ADAMTS9: variants seen among roughly 807,000 people sequenced by gnomAD.
The protein encoded by ADAMTS9 is A disintegrin and metalloproteinase with thrombospondin motifs 9.
Under a neutral mutation model 257.1 loss-of-function variants are expected in ADAMTS9, and 107 were observed. The observed-to-expected ratio is 0.42, with a 90% confidence interval of 0.36 to 0.49. The LOEUF (loss-of-function observed/expected upper bound fraction) is 0.49, where lower values mean the gene tolerates loss of function less well. Among genes scored for constraint, ADAMTS9 ranks in the 20% least tolerant of loss-of-function variants. The pLI is 0.03. For missense variants in ADAMTS9, 2,353 were observed against 2,469.1 expected (o/e 0.95, Z 1.00); for synonymous variants, 982 against 880.9 (o/e 1.11, Z -2.03).
At chr3:64,595,155 T>G (rs1024083630) in intron 27 of ADAMTS9, among the ~76,000 whole-genome samples, 3 of 152,176 alleles carry the variant, frequency 2.0e-5, no homozygotes, top group Admixed American at 6.5e-5. Context: ...CTGGTTCTAT[T>G]TTCTGGCAAA....
intron 36 of ADAMTS9, 39 bp downstream of exon 36, chr3:64,541,056 A>T (rs771478324): frequency 6.2e-7 from 1 of 1,610,528 alleles, no homozygotes; most frequent in South Asian, 1.1e-5. Flanking sequence ...AATGGAGAGA[A>T]GAACGCACAC....
intron 30 of ADAMTS9, among the ~76,000 whole-genome samples, chr3:64,560,266 T>C (rs932416083): frequency 5.9e-5 from 9 of 152,330 alleles, no homozygotes; most frequent in Admixed American, 1.3e-4. Context: ...GCTGTTAATC[T>C]GAAATGTAAC....
chr3:64,613,715 G>A (rs1017718382), intron 21 of ADAMTS9, among the ~76,000 whole-genome samples: 5 of 152,120 alleles, frequency 3.3e-5, no homozygotes, highest in African/African-American at 1.2e-4. Context: ...CTCTGGGCCA[G>A]TTTTGAGCAC....
At position 64,686,563 on chromosome 3, in the gene ADAMTS9, C is replaced by T. The variant is rs903595647; in HGVS notation, c.516+5G>A. The T allele has an allele frequency of 1.9e-6, 3 of 1,599,026 alleles. No homozygotes were observed. Among genetic ancestry groups the T allele is most frequent in the African/African-American group, 2.7e-5 (2 of 74,710 alleles). ...GGGGAGAGGAGGTGGCGCGCGCCCA[C>T]TTACCATTCCTGAGCAGAGGCTGAT... On this transcript the variant is annotated splice_donor_5th_base_variant and intron_variant, in intron 2 of 39. Coordinates refer to ENST00000498707, the MANE Select transcript of ADAMTS9 (RefSeq NM_182920.2). The surrounding 1 kb of genome is among the most constrained non-coding windows in gnomAD (Gnocchi z 4.6).
chr3:64,682,286 A>T (rs945672707), intron 2 of ADAMTS9, among the ~76,000 whole-genome samples: 5 of 152,240 alleles, frequency 3.3e-5, no homozygotes, highest in Non-Finnish European at 5.9e-5. Context: ...ATGATAATTA[A>T]GTGCTTAGCA....
At chr3:64,557,177 G>A (rs1037167182) in intron 30 of ADAMTS9, among the ~76,000 whole-genome samples, 62 of 152,134 alleles carry the variant, frequency 4.1e-4, no homozygotes, top group African/African-American at 1.4e-3. Flanking sequence ...TGAGGTGAAG[G>A]TCAGAGGAAG....
chr3:64,574,234 C>T (rs1441222557), intron 28 of ADAMTS9, among the ~76,000 whole-genome samples: 1 of 152,146 alleles, frequency 6.6e-6, no homozygotes, highest in Non-Finnish European at 1.5e-5. Context: ...ATCATACTAG[C>T]TACCTTTCAT....
chr3:64,663,409 G>C (rs561892375), intron 3 of ADAMTS9, among the ~76,000 whole-genome samples: 12 of 149,316 alleles, frequency 8.0e-5, no homozygotes, highest in Middle Eastern at 3.5e-3. Flanking sequence ...ACAACACTCA[G>C]GAAATGTTGT....
At chr3:64,546,143 A>ATG (rs2083195237) in intron 32 of ADAMTS9, among the ~76,000 whole-genome samples, 1 of 152,254 alleles carries the variant, frequency 6.6e-6, no homozygotes, top group African/African-American at 2.4e-5. Flanking sequence ...AGTAAAATAT[A>ATG]TATAAAACAT....
chr3:64,654,724 G>T, intron 6 of ADAMTS9, 112 bp from the exon 7 acceptor site: 1 of 1,170,856 alleles, frequency 8.5e-7, no homozygotes, highest in Non-Finnish European at 1.2e-6. Flanking sequence ...TGGGGTGGGG[G>T]TTAAAAAAAG....
intron 38 of ADAMTS9, 71 bp from the exon 39 acceptor site, chr3:64,522,331 G>A: frequency 7.3e-7 from 1 of 1,370,770 alleles, no homozygotes; most frequent in Non-Finnish European, 1.0e-6. Context: ...GGCTTTTTGG[G>A]AAAACGTTCT....
chr3:64,638,289 T>C (rs1300982382), intron 12 of ADAMTS9, among the ~76,000 whole-genome samples: 2 of 152,162 alleles, frequency 1.3e-5, no homozygotes, highest in East Asian at 3.8e-4. Flanking sequence ...ACAAGGAAGC[T>C]CTGAGCCAAA....
At position 64,686,971 on chromosome 3, in the gene ADAMTS9, GC is replaced by G; in HGVS notation, c.116-4del. ...GCTCAGGGTCTCTAATAATTTCACT[GC>G]GGAGAGAAGCAGAGGTATATGAACC... is the stretch of plus-strand genomic sequence containing the variant. On this transcript the variant is annotated splice_region_variant and splice_polypyrimidine_tract_variant and intron_variant, in intron 1 of 39. Coordinates refer to ENST00000498707, the MANE Select transcript of ADAMTS9 (RefSeq NM_182920.2). The surrounding 1 kb of genome is among the most constrained non-coding windows in gnomAD (Gnocchi z 4.6). 6.2e-7 allele frequency: 1 copy of G among 1,612,208 alleles called. No homozygotes were observed.
chr3:64,535,532 ATTTTC>A lies in ADAMTS9; in HGVS notation c.5614-2267_5614-2263del, dbSNP rs1206107650. Among the ~76,000 whole-genome samples the A allele has an allele frequency of 4.6e-4, 62 of 133,842 alleles. 1 individual carries two copies. The highest frequency in any genetic ancestry group is 1.8e-3 in the Admixed American group (24 of 13,218). The allele number at this position is 133,842 out of a possible 152,430, so 87.8% of individuals were successfully genotyped here. A position where few individuals can be genotyped will look rare whatever the true frequency, so the allele number is the denominator to read the frequency against. On this transcript the variant is annotated intron_variant, in intron 37 of 39. Coordinates refer to ENST00000498707, the MANE Select transcript of ADAMTS9 (RefSeq NM_182920.2). ...TGTATGTTGCATTATTCCATTGGCC[ATTTTC>A]TTTTCTTTTCTTTTCTTTTTTTTTT...
intron 26 of ADAMTS9, among the ~76,000 whole-genome samples, chr3:64,600,244 A>T (rs1576102087): frequency 6.6e-6 from 1 of 152,212 alleles, no homozygotes. Context: ...CAGTTTGTGT[A>T]CCATGCAATG....
intron 29 of ADAMTS9, among the ~76,000 whole-genome samples, chr3:64,567,785 C>T (rs774744684): frequency 3.3e-5 from 5 of 151,838 alleles, no homozygotes; most frequent in African/African-American, 1.2e-4. Flanking sequence ...CCCTGCAAAG[C>T]GCTGGGCATT....
At chr3:64,575,224 T>A (rs972799992) in intron 28 of ADAMTS9, among the ~76,000 whole-genome samples, 3 of 152,144 alleles carry the variant, frequency 2.0e-5, no homozygotes, top group Non-Finnish European at 4.4e-5. Context: ...CAAGGAAAAA[T>A]CTCTTGAATG....
intron 14 of ADAMTS9, among the ~76,000 whole-genome samples, chr3:64,632,268 T>A (rs1025590207): frequency 7.2e-5 from 11 of 152,012 alleles, no homozygotes; most frequent in Admixed American, 5.9e-4. Context: ...AGTAATTTTT[T>A]AAAAAATTGC....
chr3:64,645,483 A>G (rs1446067178), intron 11 of ADAMTS9, among the ~76,000 whole-genome samples: 1 of 152,170 alleles, frequency 6.6e-6, no homozygotes, highest in Non-Finnish European at 1.5e-5. Flanking sequence ...GAAAGAAAAA[A>G]CATTAACCCA....
Sources: allele counts gnomAD v4.1 joint callset (sites outside exome capture counted in the v4.1 genomes callset), GRCh38; gene constraint gnomAD v4.1.1; non-coding constraint Gnocchi (gnomAD v3.1); transcripts MANE v1.5; gene names NCBI Gene and HGNC (gene_info 2026-07-23, HGNC 2026-07-21).